FAM3B: variants seen among roughly 807,000 people sequenced by gnomAD.
FAM3B encodes the protein protein FAM3B.
Under a neutral mutation model 28.4 loss-of-function variants are expected in FAM3B, and 29 were observed. The ratio of observed to expected loss-of-function variants is 1.02; its 90% CI spans 0.76 to 1.39. FAM3B has a LOEUF of 1.39. Ranked by LOEUF, FAM3B falls within the 40% of genes most tolerant of loss-of-function variation. The probability of loss-of-function intolerance (pLI) is 0.00; values close to 1 mark genes in which losing one functional copy is unlikely to be tolerated. For missense variants in FAM3B, 266 were observed against 293.9 expected (o/e 0.91, Z 0.69); for synonymous variants, 91 against 103.0 (o/e 0.88, Z 0.71).
At chr21:41,338,929 T>A (rs1409750314) in intron 3 of FAM3B, among the ~76,000 whole-genome samples, 1 of 152,168 alleles carries the variant, frequency 6.6e-6, no homozygotes. Flanking sequence ...AAAGTTAGAC[T>A]ACTTTAAAAA....
chr21:41,338,334 T>C (rs1423367598), intron 2 of FAM3B, 44 bp from the exon 3 acceptor site: 1 of 1,607,986 alleles, frequency 6.2e-7, no homozygotes, highest in Non-Finnish European at 8.5e-7. Flanking sequence ...ATCTGTAAAT[T>C]ACTGTGGGAT....
upstream of FAM3B, among the ~76,000 whole-genome samples, chr21:41,314,260 A>T (rs775590289): frequency 6.6e-6 from 1 of 152,222 alleles, no homozygotes; most frequent in African/African-American, 2.4e-5. Context: ...CTCACCAGGA[A>T]CTGAATCAGC....
chr21:41,326,857 T>G lies in FAM3B; in HGVS notation c.163+3791T>G, dbSNP rs1269320957. Among the ~76,000 whole-genome samples, 1 of 152,224 alleles carries G rather than the reference T, an allele frequency of 6.6e-6. No homozygotes were observed. The highest frequency in any genetic ancestry group is 2.4e-5 in the African/African-American group (1 of 41,468). On this transcript the variant is annotated intron_variant, in intron 2 of 7. Transcript: ENST00000357985. The surrounding 1 kb of genome is among the most constrained non-coding windows in gnomAD (Gnocchi z 4.0). ...TAGGCTAGAACCCAGCCCACTGTTC[T>G]GCACCTGGGGCCCTTTTCACCCAAG...
intron 2 of FAM3B, among the ~76,000 whole-genome samples, chr21:41,333,577 C>T (rs1211892692): frequency 1.3e-5 from 2 of 152,232 alleles, no homozygotes; most frequent in East Asian, 1.9e-4. Context: ...CAGCATTATA[C>T]TTCTTGTACA....
chr21:41,338,276 G>A (rs947237220), intron 2 of FAM3B, 102 bp from the exon 3 acceptor site: 2 of 1,416,874 alleles, frequency 1.4e-6, no homozygotes, highest in African/African-American at 2.8e-5. Flanking sequence ...ACCGCTGCTT[G>A]GAGTTTCTGG....
rs568171834 is a variant in FAM3B at position 41,321,813 on chromosome 21, G to C, written c.20-1110G>C. Among the ~76,000 whole-genome samples the C allele has an allele frequency of 3.3e-5, 5 of 152,300 alleles. No individual in the cohort carries two copies. In the East Asian group the frequency reaches 9.7e-4, roughly 29 times the overall value. Reference sequence around the variant, plus strand: ...CCTGAGAAAGGAAGGATGATCTCTAGGTGCTGGAAGTCAAGCTGAGGTCCA... The same window carrying C: ...CCTGAGAAAGGAAGGATGATCTCTACGTGCTGGAAGTCAAGCTGAGGTCCA... On this transcript the variant is annotated intron_variant, in intron 1 of 7. Coordinates refer to ENST00000357985, the MANE Select transcript of FAM3B (RefSeq NM_058186.4).
intron 2 of FAM3B, among the ~76,000 whole-genome samples, chr21:41,332,828 C>CT (rs372594224): frequency 6.6e-6 from 1 of 152,002 alleles, no homozygotes; most frequent in South Asian, 2.1e-4. Context: ...TCTTCTCTTT[C>CT]TTTTTTTCTC....
intron 2 of FAM3B, among the ~76,000 whole-genome samples, chr21:41,337,051 A>T (rs1416443277): frequency 6.6e-6 from 1 of 152,044 alleles, no homozygotes; most frequent in Admixed American, 6.5e-5. Context: ...AGGCTTTACT[A>T]CTTCCATTTT....
chr21:41,346,022 T>TAAA (rs59394089), intron 5 of FAM3B: 76 of 202,078 alleles, frequency 3.8e-4, no homozygotes, highest in Middle Eastern at 2.0e-3. Flanking sequence ...GCCTTTTTTT[T>TAAA]AAAAAAAAAA....
intron 2 of FAM3B, among the ~76,000 whole-genome samples, chr21:41,336,564 A>T (rs1290202514): frequency 6.6e-6 from 1 of 152,248 alleles, no homozygotes; most frequent in Non-Finnish European, 1.5e-5. Context: ...TGTTATTTAC[A>T]AATTGCCTAG....
At chr21:41,342,342 T>G (rs1443971312) in intron 3 of FAM3B, among the ~76,000 whole-genome samples, 1 of 152,166 alleles carries the variant, frequency 6.6e-6, no homozygotes, top group Non-Finnish European at 1.5e-5. Context: ...TCTTTGGAGT[T>G]TTTTTGAGTT....
intron 2 of FAM3B, among the ~76,000 whole-genome samples, chr21:41,331,257 C>A (rs1568916347): frequency 6.6e-6 from 1 of 152,136 alleles, no homozygotes; most frequent in Non-Finnish European, 1.5e-5. Context: ...TATTCAAGTT[C>A]TTTATCCATT....
chr21:41,350,749 G>T (rs1402982597), intron 7 of FAM3B, among the ~76,000 whole-genome samples: 1 of 152,184 alleles, frequency 6.6e-6, no homozygotes, highest in Non-Finnish European at 1.5e-5. Context: ...TGGAGGCCCT[G>T]GTTTCACATA....
At chr21:41,343,480 A>C (rs570374265) in intron 3 of FAM3B, among the ~76,000 whole-genome samples, 1 of 152,294 alleles carries the variant, frequency 6.6e-6, no homozygotes, top group South Asian at 2.1e-4. Flanking sequence ...TTTCTGCTTC[A>C]AGTTATTATG....
chr21:41,335,604 C>A (rs1422244512), intron 2 of FAM3B, among the ~76,000 whole-genome samples: 1 of 152,198 alleles, frequency 6.6e-6, no homozygotes, highest in Admixed American at 6.5e-5. Flanking sequence ...CAGATGCTAG[C>A]ACCATGCTTC....
rs149569625 is a variant in FAM3B at position 41,323,026 on chromosome 21, C to T, written c.123C>T (p.Ala41=). Residue 41 remains alanine (A), a synonymous_variant, in exon 2 of 8, where the codon GCC becomes GCT. Coordinates refer to ENST00000357985, the MANE Select transcript of FAM3B (RefSeq NM_058186.4). ...LIPDAPLSSA[A]YSIRSIGERP... Reference sequence around the variant, plus strand: ...CAGATGCACCCCTGTCCAGTGCTGCCTATAGCATCCGCAGCATCGGGGAGA... The same window carrying T: ...CAGATGCACCCCTGTCCAGTGCTGCTTATAGCATCCGCAGCATCGGGGAGA... The T allele has an allele frequency of 6.2e-7, 1 of 1,609,000 alleles. No homozygotes were observed. The highest frequency in any genetic ancestry group is 8.5e-7 in the Non-Finnish European group (1 of 1,180,006).
intron 2 of FAM3B, among the ~76,000 whole-genome samples, chr21:41,338,111 T>G (rs979361312): frequency 2.0e-5 from 3 of 152,008 alleles, no homozygotes; most frequent in African/African-American, 4.8e-5. Context: ...CCATGGGCAG[T>G]GATTCCCAGC....
intron 2 of FAM3B, among the ~76,000 whole-genome samples, chr21:41,328,862 C>T (rs752037935): frequency 6.6e-5 from 10 of 152,214 alleles, no homozygotes; most frequent in South Asian, 2.1e-4. Context: ...CTACTGGGGA[C>T]GGAGGACTGT....
upstream of FAM3B, among the ~76,000 whole-genome samples, chr21:41,314,975 A>C (rs1469865561): frequency 1.3e-5 from 2 of 152,302 alleles, no homozygotes; most frequent in African/African-American, 4.8e-5. Flanking sequence ...CAGAAGAGAT[A>C]TTTGCACACC....
Sources: gnomAD v4.1 joint callset for allele counts (sites outside exome capture counted in the v4.1 genomes callset) on GRCh38, gnomAD v4.1.1 for gene constraint, Gnocchi (gnomAD v3.1) non-coding constraint, MANE v1.5 for transcripts, NCBI Gene and HGNC (gene_info 2026-07-23, HGNC 2026-07-21) for gene names.